FGF1: variants seen among roughly 807,000 people sequenced by gnomAD.
The protein encoded by FGF1 is beta-endothelial cell growth factor.
FGF1 carries 9 observed loss-of-function variants against 13.4 expected under a neutral mutation model. That is an observed-to-expected ratio of 0.67 (90% CI 0.40 to 1.17). The LOEUF (loss-of-function observed/expected upper bound fraction) is 1.17. Ranked by LOEUF, FGF1 falls within the 50% of genes most tolerant of loss-of-function variation. The pLI is 0.01. For synonymous variants in FGF1, 93 were observed against 79.0 expected (o/e 1.18, Z -0.94); for missense variants, 156 against 192.7 (o/e 0.81, Z 1.13).
intron 1 of FGF1, among the ~76,000 whole-genome samples, chr5:142,642,567 G>T (rs756663423): frequency 2.6e-5 from 4 of 152,226 alleles, no homozygotes; most frequent in Non-Finnish European, 5.9e-5. Context: ...TTGTCTTGAT[G>T]ATCTGGGTAA....
chr5:142,646,410 G>A (rs1282100814), intron 1 of FGF1, among the ~76,000 whole-genome samples: 1 of 151,058 alleles, frequency 6.6e-6, no homozygotes, highest in Non-Finnish European at 1.5e-5. Flanking sequence ...GAGTGCAGTG[G>A]CGCGCAATCT....
At chr5:142,663,236 G>C (rs1338627541) in intron 1 of FGF1, among the ~76,000 whole-genome samples, 2 of 145,798 alleles carry the variant, frequency 1.4e-5, no homozygotes, top group Non-Finnish European at 3.0e-5. Flanking sequence ...TGAGAAGCAG[G>C]TTAATCAGGA....
At chr5:142,692,685 GCACACA>G (rs34754711) in intron 2 of FGF1, among the ~76,000 whole-genome samples, 1 of 145,150 alleles carries the variant, frequency 6.9e-6, no homozygotes, top group Non-Finnish European at 1.5e-5. Flanking sequence ...ACGCACACAC[GCACACA>G]CACACACACA....
At chr5:142,595,593 C>T in intron 3 of FGF1, 109 bp from the exon 4 acceptor site, 1 of 854,394 alleles carries the variant, frequency 1.2e-6, no homozygotes, top group Admixed American at 2.8e-5. Context: ...GCTCTCCATG[C>T]CTCAGTCTCC....
rs552540341 is a variant in FGF1 at position 142,620,318 on chromosome 5, T to C, written c.-34-6157A>G. Reference sequence around the variant, plus strand: ...CTGTAGTCCCAGCTGCTGGGGAGGCTGAGGGAGGAAAATGGTGTGAACCCA... The same window carrying C: ...CTGTAGTCCCAGCTGCTGGGGAGGCCGAGGGAGGAAAATGGTGTGAACCCA... On this transcript the variant is annotated intron_variant, in intron 1 of 3. Coordinates refer to ENST00000337706, the MANE Select transcript of FGF1 (RefSeq NM_000800.5). Among the ~76,000 whole-genome samples the C allele has an allele frequency of 1.1e-3, 174 of 151,960 alleles. 3 individuals are homozygous for C. The highest frequency in any genetic ancestry group is 1.8e-3 in the Non-Finnish European group (121 of 67,970).
chr5:142,618,546 GCT>G (rs1018884877), intron 1 of FGF1, among the ~76,000 whole-genome samples: 1 of 152,172 alleles, frequency 6.6e-6, no homozygotes, highest in Non-Finnish European at 1.5e-5. Context: ...ATCTAAGTCA[GCT>G]GTGATTAAAT....
At chr5:142,609,245 C>T (rs921001) in intron 2 of FGF1, among the ~76,000 whole-genome samples, 12,442 of 152,170 alleles carry the variant, frequency 0.082, 871 homozygotes, top group African/African-American at 0.18. Context: ...TTGATTGGCA[C>T]GCACTTTGCT....
intron 1 of FGF1, among the ~76,000 whole-genome samples, chr5:142,676,917 C>CAA (rs1484546469): frequency 1.5e-5 from 2 of 135,880 alleles, no homozygotes; most frequent in Non-Finnish European, 3.1e-5. Flanking sequence ...AAACAAAAAA[C>CAA]AAAACAACAA....
chr5:142,617,809 T>C (rs1313551462), intron 1 of FGF1, among the ~76,000 whole-genome samples: 3 of 152,218 alleles, frequency 2.0e-5, no homozygotes, highest in Non-Finnish European at 4.4e-5. Context: ...TTTTAAACTT[T>C]ATTTGTAATT....
intron 2 of FGF1, among the ~76,000 whole-genome samples, chr5:142,696,671 T>G (rs936717691): frequency 3.3e-5 from 5 of 152,236 alleles, no homozygotes; most frequent in Non-Finnish European, 7.3e-5. Flanking sequence ...TGCCATCATC[T>G]AGGCCCCTGG....
At chr5:142,612,801 C>T (rs17223674) in intron 2 of FGF1, among the ~76,000 whole-genome samples, 9,723 of 152,142 alleles carry the variant, frequency 0.064, 829 homozygotes, top group African/African-American at 0.19. Context: ...GAAGGAACAA[C>T]GTCACCTCGT....
In FGF1 at chr5:142,601,526, G is replaced by A. The variant is rs983920831; in HGVS notation, c.170-721C>T. On this transcript the variant is annotated intron_variant, in intron 2 of 3. Transcript: ENST00000337706. ...AATGAAGCCGTTACCTGGAAATGCA[G>A]TGATGAGAACAGTGGTTCTCAACTG... 3.5e-4 allele frequency among the ~76,000 whole-genome samples: 53 copies of A among 151,982 alleles called. 1 individual carries two copies. The highest frequency in any genetic ancestry group is 2.9e-4 in the Non-Finnish European group (20 of 68,036).
intron 1 of FGF1, among the ~76,000 whole-genome samples, chr5:142,631,826 C>G (rs1438333650): frequency 7.2e-6 from 1 of 139,600 alleles, no homozygotes; most frequent in African/African-American, 2.7e-5. Flanking sequence ...CTGTGTTGCC[C>G]AGGCTGGAGT....
intron 2 of FGF1, among the ~76,000 whole-genome samples, chr5:142,609,241 G>T (rs1758516739): frequency 6.6e-6 from 1 of 152,092 alleles, no homozygotes; most frequent in Non-Finnish European, 1.5e-5. Flanking sequence ...ATATTTGATT[G>T]GCACGCACTT....
chr5:142,598,501 TA>T (rs371854445), intron 3 of FGF1, among the ~76,000 whole-genome samples: 53 of 149,228 alleles, frequency 3.6e-4, no homozygotes, highest in South Asian at 1.1e-3. Context: ...ATACTTACTG[TA>T]AAAAAAAAAT....
At chr5:142,697,361 A>C (rs1242726976) in intron 2 of FGF1, among the ~76,000 whole-genome samples, 1 of 152,216 alleles carries the variant, frequency 6.6e-6, no homozygotes, top group Non-Finnish European at 1.5e-5. Flanking sequence ...TTCACTTAGT[A>C]GGAACCATTT....
chr5:142,669,978 G>T (rs906277842), intron 1 of FGF1, among the ~76,000 whole-genome samples: 5 of 152,158 alleles, frequency 3.3e-5, no homozygotes, highest in Non-Finnish European at 7.3e-5. Flanking sequence ...CAAGGGAGAA[G>T]TCAGCTGGTC....
At chr5:142,603,719 G>C (rs1263248102) in intron 2 of FGF1, among the ~76,000 whole-genome samples, 1 of 152,182 alleles carries the variant, frequency 6.6e-6, no homozygotes, top group South Asian at 2.1e-4. Flanking sequence ...CTCTCTGAGG[G>C]GGGCAGTAAG....
intron 1 of FGF1, among the ~76,000 whole-genome samples, chr5:142,620,143 C>T (rs1022594436): frequency 2.6e-5 from 4 of 151,814 alleles, no homozygotes; most frequent in African/African-American, 7.3e-5. Flanking sequence ...CTCGGCTGGG[C>T]GCGGTGGCTC....
Sources: allele counts gnomAD v4.1 joint callset (sites outside exome capture counted in the v4.1 genomes callset), GRCh38; gene constraint gnomAD v4.1.1; transcripts MANE v1.5; gene names NCBI Gene and HGNC (gene_info 2026-07-23, HGNC 2026-07-21).